Variants in DIAPH1 observed in about 807,000 individuals in gnomAD.
DIAPH1 encodes the protein diaphanous related formin 1, also known as protein diaphanous homolog 1.
Under a neutral mutation model 140.7 loss-of-function variants are expected in DIAPH1, and 46 were observed. That is an observed-to-expected ratio of 0.33 (90% CI 0.26 to 0.42). The LOEUF (loss-of-function observed/expected upper bound fraction) is 0.42, where lower values mean the gene tolerates loss of function less well. Among genes scored for constraint, DIAPH1 ranks in the 10% least tolerant of loss-of-function variants. The pLI, the probability that DIAPH1 is intolerant of heterozygous loss-of-function variation, is 1.00. For synonymous variants in DIAPH1, 565 were observed against 551.6 expected (o/e 1.02, Z -0.34); for missense variants, 1,310 against 1,558.7 (o/e 0.84, Z 2.69).
chr5:141,618,606 G>A (rs2099903084), intron 1 of DIAPH1, 192 bp downstream of exon 1: 4 of 492,538 alleles, frequency 8.1e-6, no homozygotes, highest in African/African-American at 2.1e-5. Flanking sequence ...GCAAGAGCCG[G>A]GTGGGATTCC....
Position 141,583,494 on chromosome 5 carries a change from T to C in DIAPH1, c.524A>G (p.Asn175Ser), listed in dbSNP as rs757196685. 2 of 1,614,146 alleles carry C rather than the reference T, an allele frequency of 1.2e-6. No homozygotes were observed. Among genetic ancestry groups the C allele is most frequent in the Non-Finnish European group, 1.7e-6 (2 of 1,180,018 alleles). Reference sequence around the variant, plus strand: ...TCCTCAGAATCCTCACCTGACAGGGTTGTTGTTGAGAGACACACGAAGGGA... The same window carrying C: ...TCCTCAGAATCCTCACCTGACAGGGCTGTTGTTGAGAGACACACGAAGGGA... ...LESLRVSLNNNPVSWVQTFGA... is the reference protein window; with the variant it reads ...LESLRVSLNNSPVSWVQTFGA... Residue 175 changes from asparagine (N) to serine (S), a missense_variant, in exon 5 of 28, where the codon AAC (asparagine) becomes AGC (serine). This residue lies in a region of DIAPH1 where 377 missense variants were observed against 497.1 expected (regional missense o/e 0.76). Coordinates refer to ENST00000389054, the MANE Select transcript of DIAPH1 (RefSeq NM_005219.5).
chr5:141,604,545 C>T lies in DIAPH1; in HGVS notation c.117+14253G>A, dbSNP rs1236779145. 2.0e-5 allele frequency among the ~76,000 whole-genome samples: 3 copies of T among 152,212 alleles called. No individual in the cohort carries two copies. The East Asian group carries it at 5.8e-4, about 29-fold the overall frequency. Reference sequence around the variant, plus strand: ...TATGATGTGAGTAGCAGGACATCTACTCTTCCTCAAGGGTGGGCATGTGTG... The same window carrying T: ...TATGATGTGAGTAGCAGGACATCTATTCTTCCTCAAGGGTGGGCATGTGTG... On this transcript the variant is annotated intron_variant, in intron 1 of 27. Transcript: ENST00000389054.
intron 1 of DIAPH1, among the ~76,000 whole-genome samples, chr5:141,612,522 G>C (rs930834217): frequency 5.3e-5 from 8 of 152,164 alleles, no homozygotes; most frequent in Non-Finnish European, 5.9e-5. Flanking sequence ...CACAATAAAA[G>C]AAGCCCCAGC....
Position 141,583,249 on chromosome 5 carries a change from C to G in DIAPH1, c.577G>C (p.Asp193His), listed in dbSNP as rs1458257909. ...TCATCATGAAGTCGTTTAAGAATGT[C>G]CAATAAGGAGGCCAAGCCTTCAGCA... ...FGAEGLASLLDILKRLHDEKE... is the reference protein window; with the variant it reads ...FGAEGLASLLHILKRLHDEKE... Residue 193 changes from aspartate (D) to histidine (H), a missense_variant, in exon 6 of 28, where the codon GAC becomes CAC. Physicochemically the swap from Asp to His is moderately conservative, Grantham distance 81. Around this residue, in one of 3 missense-constraint regions of DIAPH1, gnomAD observed 377 missense variants for 497.1 expected, o/e 0.76. Transcript: ENST00000389054. 6.2e-7 allele frequency: 1 copy of G among 1,614,206 alleles called. No individual in the cohort carries two copies. Among genetic ancestry groups the G allele is most frequent in the African/African-American group, 1.3e-5 (1 of 75,052 alleles).
chr5:141,556,305 G>A (rs1328833152), intron 18 of DIAPH1, among the ~76,000 whole-genome samples: 1 of 151,874 alleles, frequency 6.6e-6, no homozygotes, highest in African/African-American at 2.4e-5. Context: ...TGCTACTTAA[G>A]TAAAAAAAGT....
chr5:141,566,747 T>C (rs913613923), intron 18 of DIAPH1, among the ~76,000 whole-genome samples: 2 of 151,980 alleles, frequency 1.3e-5, no homozygotes, highest in East Asian at 3.9e-4. Flanking sequence ...ATACAAAAAT[T>C]AGCCAGGTGT....
In DIAPH1 at chr5:141,528,781, G is replaced by A. The variant is rs1166564935; in HGVS notation, c.2939C>T (p.Thr980Ile). 2.5e-6 allele frequency: 4 copies of A among 1,614,180 alleles called. No homozygotes were observed. The highest frequency in any genetic ancestry group is 3.4e-6 in the Non-Finnish European group (4 of 1,180,030). ...ATTCATGTAATTTCCAACAAGCAAG[G>A]TAATCTCTAGGAGATTGGAAAAGCT... ...SESFSNLLEI[T>I]LLVGNYMNAG... Residue 980 changes from threonine to isoleucine, a missense_variant, in exon 22 of 28, where the codon ACC (threonine) becomes ATC (isoleucine). Coordinates refer to ENST00000389054, the MANE Select transcript of DIAPH1 (RefSeq NM_005219.5).
chr5:141,519,146 C>A lies in DIAPH1; in HGVS notation c.3662-2138G>T, dbSNP rs2099886146. ...ATAAACTAATGCCCCGTGACTGAGA[C>A]AAGTGAGGAAAAGGAGCCTACGTGA... On this transcript the variant is annotated intron_variant, in intron 27 of 27. Coordinates refer to ENST00000389054, the MANE Select transcript of DIAPH1 (RefSeq NM_005219.5). 7.9e-6 allele frequency: 6 copies of A among 763,632 alleles called. No homozygotes were observed. The East Asian group carries it at 1.6e-4, about 20-fold the overall frequency. 47.3% of individuals were successfully genotyped at this position (763,632 alleles called of 1,614,324 possible).
chr5:141,531,569 C>A (rs1273774283), intron 19 of DIAPH1, among the ~76,000 whole-genome samples: 2 of 152,166 alleles, frequency 1.3e-5, no homozygotes. Context: ...CTCACTGCAA[C>A]CTCCGCTTCC....
chr5:141,526,552 T>C (rs2099887351), intron 24 of DIAPH1, 91 bp from the exon 25 acceptor site: 5 of 1,482,732 alleles, frequency 3.4e-6, no homozygotes, highest in Non-Finnish European at 4.7e-6. Flanking sequence ...AGTACTGGCA[T>C]GCAAAGGGAT....
At chr5:141,533,480 A>G (rs2099888555) in intron 19 of DIAPH1, among the ~76,000 whole-genome samples, 1 of 152,208 alleles carries the variant, frequency 6.6e-6, no homozygotes. Context: ...GAGAAGTACA[A>G]AATTTACCTT....
intron 1 of DIAPH1, among the ~76,000 whole-genome samples, chr5:141,597,083 G>A (rs1226766364): frequency 2.0e-5 from 3 of 152,126 alleles, no homozygotes; most frequent in African/African-American, 7.2e-5. Context: ...AGTTTGGGAG[G>A]ACCAATATCC....
intron 14 of DIAPH1, 57 bp from the exon 15 acceptor site, chr5:141,575,203 A>G (rs1033041186): frequency 1.8e-5 from 29 of 1,567,674 alleles, no homozygotes; most frequent in African/African-American, 2.7e-5. Context: ...AAGAAGCACA[A>G]GTATTATTAC....
intron 24 of DIAPH1, 102 bp from the exon 25 acceptor site, chr5:141,526,563 G>A: frequency 7.2e-7 from 1 of 1,379,920 alleles, no homozygotes. Flanking sequence ...GCAAAGGGAT[G>A]TTCAATACAG....
intron 1 of DIAPH1, among the ~76,000 whole-genome samples, chr5:141,604,751 C>T (rs1436208110): frequency 2.6e-5 from 4 of 152,182 alleles, no homozygotes; most frequent in Non-Finnish European, 4.4e-5. Context: ...AATCCTACCC[C>T]TACTGACAAC....
chr5:141,545,945 A>G (rs774609363), intron 18 of DIAPH1, among the ~76,000 whole-genome samples: 27 of 152,234 alleles, frequency 1.8e-4, no homozygotes, highest in Admixed American at 6.5e-5. Context: ...AAAGGAATAT[A>G]GTAAGATCCT....
intron 1 of DIAPH1, among the ~76,000 whole-genome samples, chr5:141,604,118 C>T (rs1475827626): frequency 6.6e-6 from 1 of 152,210 alleles, no homozygotes; most frequent in African/African-American, 2.4e-5. Flanking sequence ...GGAAGTCCTA[C>T]TTTCCTATCA....
At chr5:141,578,705 G>A (rs2099896310) in intron 9 of DIAPH1, 80 bp from the exon 10 acceptor site, 2 of 1,052,066 alleles carry the variant, frequency 1.9e-6, no homozygotes, top group Non-Finnish European at 2.9e-6. Flanking sequence ...TGCATTCTTA[G>A]GTCCCCAATA....
intron 1 of DIAPH1, among the ~76,000 whole-genome samples, chr5:141,601,084 G>C (rs146096058): frequency 2.0e-5 from 3 of 152,094 alleles, no homozygotes; most frequent in East Asian, 1.9e-4. Flanking sequence ...TTGTGGGATG[G>C]GGGGAGAGGG....
Sources: gnomAD v4.1 joint callset for allele counts (sites outside exome capture counted in the v4.1 genomes callset) on GRCh38, gnomAD v4.1.1 for gene constraint, gnomAD v4.1.1 regional missense constraint, MANE v1.5 for transcripts, NCBI Gene and HGNC (gene_info 2026-07-23, HGNC 2026-07-21) for gene names.